BTBD7: variants seen among roughly 807,000 people sequenced by gnomAD.
BTBD7 encodes BTB/POZ domain-containing protein 7.
BTBD7 carries 38 observed loss-of-function variants against 99.9 expected under a neutral mutation model. That is an observed-to-expected ratio of 0.38 (90% CI 0.29 to 0.50). The LOEUF (loss-of-function observed/expected upper bound fraction) is 0.50. Ranked by LOEUF, BTBD7 falls within the 20% of genes least tolerant of loss-of-function variation. BTBD7 has a pLI of 0.93. For synonymous variants in BTBD7, 520 were observed against 511.4 expected (o/e 1.02, Z -0.23); for missense variants, 1,170 against 1,394.6 (o/e 0.84, Z 2.57).
intron 1 of BTBD7, among the ~76,000 whole-genome samples, chr14:93,323,282 A>C (rs1566866677): frequency 2.0e-5 from 3 of 152,218 alleles, no homozygotes; most frequent in African/African-American, 7.2e-5. Context: ...TACTATGTTA[A>C]TGTTTAATTT....
intron 1 of BTBD7, among the ~76,000 whole-genome samples, chr14:93,297,993 T>C (rs545349569): frequency 6.6e-6 from 1 of 152,348 alleles, no homozygotes; most frequent in South Asian, 2.1e-4. Context: ...TAAGACGGCA[T>C]GGTGTCACTC....
At chr14:93,293,698 C>G (rs979150736) in intron 3 of BTBD7, among the ~76,000 whole-genome samples, 160 bp downstream of exon 3, 24 of 152,214 alleles carry the variant, frequency 1.6e-4, no homozygotes, top group African/African-American at 5.3e-4. Flanking sequence ...CACATTAATA[C>G]TGACCCTCAA....
chr14:93,317,304 C>T (rs542019323), intron 1 of BTBD7, among the ~76,000 whole-genome samples: 85 of 151,836 alleles, frequency 5.6e-4, no homozygotes, highest in African/African-American at 1.9e-3. Context: ...TGCGCCCGGC[C>T]GGAATATACT....
At chr14:93,245,624 T>TG (rs1055046401) in intron 10 of BTBD7, among the ~76,000 whole-genome samples, 6 of 152,206 alleles carry the variant, frequency 3.9e-5, no homozygotes, top group Non-Finnish European at 7.3e-5. Context: ...ATACACCTCT[T>TG]GGTCTCTCTC....
intron 3 of BTBD7, among the ~76,000 whole-genome samples, chr14:93,271,759 C>CT (rs2052603461): frequency 6.6e-6 from 1 of 152,204 alleles, no homozygotes; most frequent in Non-Finnish European, 1.5e-5. Context: ...AATCCCAGCA[C>CT]TTTGGGAGGC....
rs147854097 is a variant in BTBD7 at position 93,295,807 on chromosome 14, C to T, written c.82+163G>A. Among the ~76,000 whole-genome samples the T allele has an allele frequency of 6.6e-5, 10 of 152,252 alleles. No individual in the cohort carries two copies. In the South Asian group the frequency reaches 1.0e-3, roughly 16 times the overall value. On this transcript the variant is annotated intron_variant, in intron 2 of 10. Transcript: ENST00000334746. ...CAAGTGGTTTAAGATAAAAACCATA[C>T]AAACCAGACTTAAGATTTACGTTTG...
chr14:93,250,691 G>A (rs1236105040), intron 8 of BTBD7, among the ~76,000 whole-genome samples: 3 of 152,086 alleles, frequency 2.0e-5, no homozygotes, highest in Non-Finnish European at 4.4e-5. Flanking sequence ...GCTTTTTTTA[G>A]ACTACTTTGG....
intron 1 of BTBD7, among the ~76,000 whole-genome samples, chr14:93,304,355 TTTA>T (rs2053045131): frequency 6.6e-6 from 1 of 152,248 alleles, no homozygotes; most frequent in African/African-American, 2.4e-5. Context: ...TTATTATTTA[TTTA>T]TTTTTATTTT....
chr14:93,325,136 CAG>C (rs2053315228), intron 1 of BTBD7, among the ~76,000 whole-genome samples: 1 of 93,542 alleles, frequency 1.1e-5, no homozygotes, highest in East Asian at 2.6e-4. Context: ...TTTTTTGAGA[CAG>C]AGTCTAGCTC....
At chr14:93,266,259 A>T (rs1184289938) in intron 3 of BTBD7, among the ~76,000 whole-genome samples, 1 of 152,084 alleles carries the variant, frequency 6.6e-6, no homozygotes, top group Non-Finnish European at 1.5e-5. Context: ...ATTGAGCCGT[A>T]ATCAAAGGAC....
chr14:93,246,434 C>T (rs144288002), intron 9 of BTBD7, 148 bp from the exon 10 acceptor site: 37 of 967,408 alleles, frequency 3.8e-5, no homozygotes, highest in Non-Finnish European at 5.0e-5. Context: ...AGGCCAGAAG[C>T]CCAAGAAAAA....
intron 3 of BTBD7, among the ~76,000 whole-genome samples, chr14:93,268,082 TCATACTGTGTCCCTTCCAATTCCCCAG>T (rs1237501728): frequency 6.6e-6 from 1 of 152,188 alleles, no homozygotes; most frequent in East Asian, 1.9e-4. Context: ...TCTACACCCG[TCATACTGTGTCCCTTCCAATTCCCCAG>T]AAGTCCACCA....
intron 1 of BTBD7, among the ~76,000 whole-genome samples, chr14:93,303,837 A>AC (rs915631646): frequency 5.9e-5 from 9 of 151,830 alleles, no homozygotes; most frequent in African/African-American, 1.9e-4. Context: ...CGGCCTCCCC[A>AC]CCCCCCACCA....
rs1303798334 is a variant in BTBD7 at position 93,311,110 on chromosome 14, A to G, written c.-106-14953T>C. ...TTAGTAATAGCTTCCTAGCATCCTT[A>G]AAGACAATCAGTGAGTTTTAAAAAG... On this transcript the variant is annotated intron_variant, in intron 1 of 10. Coordinates refer to ENST00000334746, the MANE Select transcript of BTBD7 (RefSeq NM_001002860.4). 2.6e-5 allele frequency among the ~76,000 whole-genome samples: 4 copies of G among 152,192 alleles called. No homozygotes were observed. The East Asian group carries it at 7.7e-4, about 29-fold the overall frequency.
intron 1 of BTBD7, among the ~76,000 whole-genome samples, chr14:93,328,468 G>A (rs942756873): frequency 3.9e-5 from 6 of 151,950 alleles, no homozygotes; most frequent in African/African-American, 1.5e-4. Context: ...ACTTGTGGTC[G>A]AATAATTTTC....
At chr14:93,296,591 G>T (rs1037698454) in intron 1 of BTBD7, among the ~76,000 whole-genome samples, 1 of 152,176 alleles carries the variant, frequency 6.6e-6, no homozygotes, top group South Asian at 2.1e-4. Context: ...ACACATAATT[G>T]ATTAGTTGTT....
chr14:93,317,363 C>CT (rs35376162), intron 1 of BTBD7, among the ~76,000 whole-genome samples: 1,765 of 146,464 alleles, frequency 0.012, 16 homozygotes, highest in Middle Eastern at 0.035. Context: ...AATGTTGATA[C>CT]TTTTTTTTTT....
chr14:93,311,794 T>C (rs1044363632), intron 1 of BTBD7, among the ~76,000 whole-genome samples: 10 of 151,802 alleles, frequency 6.6e-5, no homozygotes, highest in African/African-American at 2.4e-4. Flanking sequence ...ATACCCAACT[T>C]GGAATATTCT....
intron 1 of BTBD7, among the ~76,000 whole-genome samples, chr14:93,297,868 T>C (rs1031040882): frequency 6.6e-6 from 1 of 151,998 alleles, no homozygotes; most frequent in Non-Finnish European, 1.5e-5. Flanking sequence ...AATAAAACTA[T>C]CATGTAAAAT....
Sources: allele counts gnomAD v4.1 joint callset (sites outside exome capture counted in the v4.1 genomes callset), GRCh38; gene constraint gnomAD v4.1.1; transcripts MANE v1.5; gene names NCBI Gene and HGNC (gene_info 2026-07-23, HGNC 2026-07-21).